The following LAMA1 variants were observed in gnomAD, a reference collection of about 807,000 sequenced individuals.
LAMA1 encodes the protein laminin subunit alpha 1.
Under a neutral mutation model 348.7 loss-of-function variants are expected in LAMA1, and 219 were observed. The ratio of observed to expected loss-of-function variants is 0.63; its 90% CI spans 0.56 to 0.70. LAMA1 has a LOEUF of 0.70. Among genes scored for constraint, LAMA1 ranks in the 30% least tolerant of loss-of-function variants. The pLI, the probability that LAMA1 is intolerant of heterozygous loss-of-function variation, is 0.00. For missense variants in LAMA1, 3,744 were observed against 3,888.0 expected, an observed-to-expected ratio of 0.96 and a Z score of 0.99; for synonymous variants, 1,487 against 1,491.0, an observed-to-expected ratio of 1.00 and a Z score of 0.06.
At chr18:6,999,659 A>G (rs1160684145) in intron 31 of LAMA1, 21 bp from the exon 32 acceptor site, 2 of 1,581,426 alleles carry the variant, frequency 1.3e-6, no homozygotes, top group Non-Finnish European at 1.7e-6. Context: ...GAAGGGACAT[A>G]GGTGCAGACA....
chr18:7,003,565 T>C (rs1403448164), intron 29 of LAMA1, among the ~76,000 whole-genome samples: 4 of 152,040 alleles, frequency 2.6e-5, no homozygotes, highest in African/African-American at 9.7e-5. Context: ...GCCAAAAAGG[T>C]ACACATTTTT....
At chr18:7,058,855 G>A (rs2058092233) in intron 3 of LAMA1, among the ~76,000 whole-genome samples, 1 of 152,156 alleles carries the variant, frequency 6.6e-6, no homozygotes, top group African/African-American at 2.4e-5. Context: ...TATATGTAAT[G>A]TAGAAAAACT....
chr18:6,954,530 T>G (rs2057565335), intron 57 of LAMA1: 1 of 152,924 alleles, frequency 6.5e-6, no homozygotes, highest in African/African-American at 2.4e-5. Context: ...AATAGGAGGC[T>G]TTTAAAGTCG....
At position 6,965,364 on chromosome 18, in the gene LAMA1, G is replaced by A; in HGVS notation, c.7119C>T (p.Pro2373=). 1 of 1,614,168 alleles carries A rather than the reference G, an allele frequency of 6.2e-7. No homozygotes were observed. Among genetic ancestry groups the A allele is most frequent in the South Asian group, 1.1e-5 (1 of 91,086 alleles). The part of the protein sequence containing the change: ...VKVMTDLGSG[P]ITLLTDRRYN... ...AACGTCTGTCTGTCAAAAGGGTAAT[G>A]GGTCCTGAACCCAGGTCAGTCATAA... The change falls in exon 50 of 63, where the codon CCC becomes CCT. Residue 2373 remains proline (P), a synonymous_variant. Coordinates refer to ENST00000389658, the MANE Select transcript of LAMA1 (RefSeq NM_005559.4).
chr18:6,978,168 A>G (rs887355392), intron 43 of LAMA1, 28 bp downstream of exon 43: 3 of 1,613,860 alleles, frequency 1.9e-6, no homozygotes, highest in Admixed American at 1.7e-5. Context: ...GCAGACGATC[A>G]TGACTGGAAG....
At chr18:7,018,846 T>C (rs1266404215) in intron 19 of LAMA1, among the ~76,000 whole-genome samples, 4 of 152,162 alleles carry the variant, frequency 2.6e-5, no homozygotes, top group African/African-American at 9.7e-5. Flanking sequence ...ACATGGGACA[T>C]GACATGGGAA....
chr18:6,942,755 T>A (rs977321649), intron 62 of LAMA1, among the ~76,000 whole-genome samples: 3 of 152,152 alleles, frequency 2.0e-5, no homozygotes, highest in Non-Finnish European at 4.4e-5. Context: ...TAGTTATAAC[T>A]TAAAAAAAGT....
intron 49 of LAMA1, chr18:6,965,903 A>G: frequency 1.9e-6 from 1 of 522,552 alleles, no homozygotes. Flanking sequence ...TATAAAGACT[A>G]GAAGGCTAGT....
chr18:6,953,135 C>T lies in LAMA1; in HGVS notation c.8208-2164G>A, dbSNP rs372605912. On this transcript the variant is annotated intron_variant, in intron 57 of 62. Coordinates refer to ENST00000389658, the MANE Select transcript of LAMA1 (RefSeq NM_005559.4). ...AGGAGCCATGTCTGCCTGTGTCCAG[C>T]GGATCCACGCCATGGGAGCCATGTC... Among the ~76,000 whole-genome samples the T allele has an allele frequency of 3.1e-3, 365 of 116,414 alleles. 16 individuals carry two copies. The highest frequency in any genetic ancestry group is 0.013 in the African/African-American group (325 of 24,342). 76.4% of individuals were successfully genotyped at this position (116,414 alleles called of 152,430 possible).
chr18:6,995,322 AG>A, intron 34 of LAMA1, 34 bp downstream of exon 34: 1 of 1,431,936 alleles, frequency 7.0e-7, no homozygotes, highest in Non-Finnish European at 9.9e-7. Context: ...GGGAGGGACC[AG>A]GAGGAAGGTT....
At chr18:7,023,417 C>G in intron 18 of LAMA1, 42 bp from the exon 19 acceptor site, 1 of 1,534,160 alleles carries the variant, frequency 6.5e-7, no homozygotes, top group Non-Finnish European at 9.0e-7. Context: ...AATGCAGTTA[C>G]TTAAGGCCTT....
In LAMA1 at chr18:7,007,218, C is replaced by A. The variant is rs373119671; in HGVS notation, c.4181G>T (p.Arg1394Leu). The A allele has an allele frequency of 1.2e-6, 2 of 1,613,996 alleles. No homozygotes were observed. The highest frequency in any genetic ancestry group is 1.7e-5 in the Admixed American group (1 of 60,002). ...KLPAGSDRGP[R>L]PLVAPCVPCS... ...GGGAACACAAGGAGCAACCAGAGGGCGTGGTCCCCTGTCACTCCCTGCTGG... is the reference window on the plus strand; with the variant it reads ...GGGAACACAAGGAGCAACCAGAGGGAGTGGTCCCCTGTCACTCCCTGCTGG... The change falls in exon 29 of 63, where the codon CGC becomes CTC. Residue 1394 changes from arginine (R) to leucine (L), a missense_variant. Physicochemically the swap from Arg to Leu is moderately radical, Grantham distance 102 (BLOSUM62 -2). This residue lies in a region of LAMA1 where 1,983 missense variants were observed against 1,934.3 expected (regional missense o/e 1.03). Coordinates refer to ENST00000389658, the MANE Select transcript of LAMA1 (RefSeq NM_005559.4).
chr18:7,089,803 G>A (rs2058232567), intron 1 of LAMA1, among the ~76,000 whole-genome samples: 1 of 152,224 alleles, frequency 6.6e-6, no homozygotes, highest in Admixed American at 6.5e-5. Context: ...TGTGAGGGGT[G>A]GAGATGGGGG....
intron 1 of LAMA1, among the ~76,000 whole-genome samples, chr18:7,085,670 A>T (rs60620187): frequency 3.9e-5 from 6 of 151,986 alleles, no homozygotes; most frequent in East Asian, 1.9e-4. Context: ...CGCCCGCCTC[A>T]GCCTCCCAAA....
At chr18:7,039,989 G>C (rs1363731572) in intron 10 of LAMA1, 87 bp downstream of exon 10, 2 of 1,492,310 alleles carry the variant, frequency 1.3e-6, no homozygotes, top group African/African-American at 2.8e-5. Flanking sequence ...CTTTGCTCAA[G>C]AACTGATCAT....
chr18:6,976,139 A>G (rs2057681176), intron 44 of LAMA1, 59 bp from the exon 45 acceptor site: 1 of 1,557,192 alleles, frequency 6.4e-7, no homozygotes, highest in South Asian at 1.1e-5. Context: ...GCAGCTCACC[A>G]GCAGCTCAAC....
chr18:7,021,224 C>G (rs573242458), intron 19 of LAMA1, among the ~76,000 whole-genome samples: 2 of 152,188 alleles, frequency 1.3e-5, no homozygotes, highest in South Asian at 4.1e-4. Context: ...ATGGGCCTGC[C>G]CGCCTCCGTG....
At chr18:7,096,130 G>C (rs1352144267) in intron 1 of LAMA1, among the ~76,000 whole-genome samples, 2 of 152,236 alleles carry the variant, frequency 1.3e-5, no homozygotes, top group Non-Finnish European at 2.9e-5. Context: ...GAGAGACACA[G>C]GTTAAGCAGC....
In LAMA1 at chr18:6,991,387, TTC is replaced by T. The variant is rs1360611285; in HGVS notation, c.5168+1172_5168+1173del. The stretch of plus-strand genomic sequence containing the variant: ...TTTGACTAAATAATTCCACTTCTTC[TTC>T]TTTTTTTTTTTTTTTTTTTGAGACG... On this transcript the variant is annotated intron_variant, in intron 36 of 62. Transcript: ENST00000389658. Among the ~76,000 whole-genome samples the T allele has an allele frequency of 3.7e-5, 5 of 135,274 alleles. No individual in the cohort carries two copies. The East Asian group carries it at 1.2e-3, about 33-fold the overall frequency. 88.7% of individuals were successfully genotyped at this position (135,274 alleles called of 152,430 possible).
Sources: gnomAD v4.1 joint callset for allele counts (sites outside exome capture counted in the v4.1 genomes callset) on GRCh38, gnomAD v4.1.1 for gene constraint, gnomAD v4.1.1 regional missense constraint, MANE v1.5 for transcripts, NCBI Gene and HGNC (gene_info 2026-07-23, HGNC 2026-07-21) for gene names.